Variants in UBE2K observed in about 807,000 individuals in gnomAD.
UBE2K encodes ubiquitin-conjugating enzyme E2 K.
Under a neutral mutation model 30.0 loss-of-function variants are expected in UBE2K, and 6 were observed. The observed-to-expected ratio is 0.20, with a 90% CI of 0.11 to 0.39. The LOEUF is 0.39. Ranked by LOEUF, UBE2K falls within the 10% of genes least tolerant of loss-of-function variation. The probability of loss-of-function intolerance (pLI) is 1.00; values close to 1 mark genes in which losing one functional copy is unlikely to be tolerated. For synonymous variants in UBE2K, 86 were observed against 83.7 expected (o/e 1.03, Z -0.15); for missense variants, 61 against 241.6 (o/e 0.25, Z 4.96).
chr4:39,749,455 G>GACCAAAATGCAAAAAAAAAAAAAAA (rs1366343699), intron 3 of UBE2K, among the ~76,000 whole-genome samples: 44 of 152,222 alleles, frequency 2.9e-4, no homozygotes, highest in African/African-American at 9.2e-4. Context: ...CTTGAGCTCA[G>GACCAAAATGCAAAAAAAAAAAAAAA]AAGTTCATGA....
intron 1 of UBE2K, among the ~76,000 whole-genome samples, chr4:39,715,043 T>G (rs1718970339): frequency 1.3e-5 from 2 of 150,650 alleles, no homozygotes; most frequent in South Asian, 4.2e-4. Flanking sequence ...TTTTTTTTTT[T>G]GAGACGGAGT....
intron 4 of UBE2K, chr4:39,770,997 G>C (rs1240358619): frequency 3.1e-6 from 5 of 1,609,248 alleles, no homozygotes; most frequent in Non-Finnish European, 4.2e-6. Context: ...TGTTGGCGCT[G>C]ACGCTGCTCA....
At chr4:39,753,608 G>A (rs898465068) in intron 3 of UBE2K, among the ~76,000 whole-genome samples, 7 of 152,172 alleles carry the variant, frequency 4.6e-5, no homozygotes, top group African/African-American at 1.7e-4. Context: ...GAAACTGCAG[G>A]TGTGTGGAAT....
At chr4:39,738,740 A>G (rs1720509690) in intron 2 of UBE2K, among the ~76,000 whole-genome samples, 2 of 149,272 alleles carry the variant, frequency 1.3e-5, no homozygotes, top group African/African-American at 5.0e-5. Context: ...TGCGGTGGTG[A>G]AATCTTGGCT....
intron 4 of UBE2K, chr4:39,770,849 T>A: frequency 6.5e-7 from 1 of 1,538,998 alleles, no homozygotes; most frequent in South Asian, 1.3e-5. Context: ...CCTCATCCTC[T>A]TCCTCGGCTT....
chr4:39,729,875 AAAGTT>A (rs1411063097), intron 1 of UBE2K, among the ~76,000 whole-genome samples: 14 of 152,328 alleles, frequency 9.2e-5, no homozygotes, highest in Middle Eastern at 6.8e-3. Context: ...GGCTTTTCCT[AAAGTT>A]AAGTCTTTTA....
intron 1 of UBE2K, among the ~76,000 whole-genome samples, chr4:39,723,689 A>G (rs1719562677): frequency 6.6e-6 from 1 of 152,104 alleles, no homozygotes; most frequent in Non-Finnish European, 1.5e-5. Context: ...AAAGAGATTA[A>G]TAAATTAGAG....
intron 1 of UBE2K, among the ~76,000 whole-genome samples, chr4:39,728,118 A>T (rs1195162093): frequency 6.6e-6 from 1 of 151,444 alleles, no homozygotes; most frequent in Non-Finnish European, 1.5e-5. Context: ...TGGGCGACAG[A>T]GCAAGACACC....
rs1308760632 is a variant in UBE2K at position 39,782,622 on chromosome 4, G to A, written c.*4188G>A. On this transcript the variant is annotated 3_prime_UTR_variant, in exon 7 of 7. Transcript: ENST00000261427. Reference sequence around the variant, plus strand: ...TTACCAGAAATACCATTGAAGCAGGGTGGGCTGTGGGGTGGAAGGTTGGGG... The same window carrying A: ...TTACCAGAAATACCATTGAAGCAGGATGGGCTGTGGGGTGGAAGGTTGGGG... 6.6e-6 allele frequency: 1 copy of A among 152,150 alleles called. No homozygotes were observed. The highest frequency in any genetic ancestry group is 2.1e-4 in the South Asian group (1 of 4,834). The allele number at this position is 152,150 out of a possible 1,614,324, so 9.4% of individuals were successfully genotyped here.
At chr4:39,753,127 G>A (rs538046433) in intron 3 of UBE2K, among the ~76,000 whole-genome samples, 12 of 152,198 alleles carry the variant, frequency 7.9e-5, no homozygotes, top group Admixed American at 5.2e-4. Context: ...AGTGGCTCAC[G>A]CCTATAATCC....
At chr4:39,707,272 A>C (rs1185142201) in intron 1 of UBE2K, among the ~76,000 whole-genome samples, 2 of 151,580 alleles carry the variant, frequency 1.3e-5, no homozygotes, top group African/African-American at 4.8e-5. Flanking sequence ...GAGTGCGGTG[A>C]CATGATCTTG....
At chr4:39,765,097 G>C (rs955793199) in intron 4 of UBE2K, among the ~76,000 whole-genome samples, 7 of 151,982 alleles carry the variant, frequency 4.6e-5, no homozygotes, top group Non-Finnish European at 8.8e-5. Context: ...GTGTTAGCCA[G>C]GATGGTCTCA....
chr4:39,735,540 C>T (rs1560356833), intron 1 of UBE2K, among the ~76,000 whole-genome samples: 1 of 152,204 alleles, frequency 6.6e-6, no homozygotes, highest in South Asian at 2.1e-4. Flanking sequence ...GCCACCACAC[C>T]TGGCTAATTT....
At chr4:39,737,715 C>A (rs1241405995) in intron 2 of UBE2K, among the ~76,000 whole-genome samples, 1 of 152,002 alleles carries the variant, frequency 6.6e-6, no homozygotes, top group Admixed American at 6.6e-5. Flanking sequence ...TTTTTTCTTT[C>A]CATAAAACAG....
At chr4:39,703,180 G>A (rs529515589) in intron 1 of UBE2K, among the ~76,000 whole-genome samples, 2 of 152,030 alleles carry the variant, frequency 1.3e-5, no homozygotes, top group African/African-American at 4.8e-5. Flanking sequence ...TAGTAGAGAC[G>A]GGGGTTTCAC....
intron 1 of UBE2K, among the ~76,000 whole-genome samples, chr4:39,711,331 T>G (rs1430856399): frequency 1.3e-5 from 2 of 151,352 alleles, no homozygotes; most frequent in East Asian, 3.9e-4. Context: ...CCCAGCTAAT[T>G]TTTTGTATTT....
At chr4:39,705,194 GT>G (rs57314034) in intron 1 of UBE2K, among the ~76,000 whole-genome samples, 393 of 107,456 alleles carry the variant, frequency 3.7e-3, no homozygotes, top group South Asian at 7.8e-3. Context: ...CTGCACCTGG[GT>G]TTTTTTTTTT....
rs902751753 is a variant in UBE2K at position 39,760,048 on chromosome 4, G to A, written c.299+4309G>A. On this transcript the variant is annotated intron_variant, in intron 4 of 6. Coordinates refer to ENST00000261427, the MANE Select transcript of UBE2K (RefSeq NM_005339.5). ...AAAATTAGCCAGGCGTGGGTGGTGG[G>A]CACCTGTAATCCCAGCTACTCGTGG... Among the ~76,000 whole-genome samples the A allele has an allele frequency of 1.6e-4, 25 of 151,552 alleles. 1 individual carries two copies. The South Asian group carries it at 4.8e-3, about 29-fold the overall frequency.
intron 4 of UBE2K, among the ~76,000 whole-genome samples, chr4:39,771,690 G>C (rs1191783064): frequency 6.6e-6 from 1 of 152,162 alleles, no homozygotes; most frequent in East Asian, 1.9e-4. Context: ...GACGGCGTCG[G>C]CTAGGACTCA....
Sources: allele counts gnomAD v4.1 joint callset (sites outside exome capture counted in the v4.1 genomes callset), GRCh38; gene constraint gnomAD v4.1.1; transcripts MANE v1.5; gene names NCBI Gene and HGNC (gene_info 2026-07-23, HGNC 2026-07-21).